Variants in TEC observed in about 807,000 individuals in gnomAD.
The protein encoded by TEC is tec protein tyrosine kinase, also known as tyrosine-protein kinase Tec.
TEC carries 72 observed loss-of-function variants against 93.0 expected under a neutral mutation model. The observed-to-expected ratio is 0.77, with a 90% CI of 0.64 to 0.94. TEC has a LOEUF of 0.94. TEC is among the 40% of genes least tolerant of loss of function. The pLI is 0.00. For synonymous variants in TEC, 249 were observed against 247.7 expected, an observed-to-expected ratio of 1.01 and a Z score of -0.05; for missense variants, 630 against 757.9, an observed-to-expected ratio of 0.83 and a Z score of 1.98.
chr4:48,172,913 T>C (rs1721175063), intron 3 of TEC, among the ~76,000 whole-genome samples: 1 of 152,194 alleles, frequency 6.6e-6, no homozygotes, highest in South Asian at 2.1e-4. Context: ...TGAATTGACA[T>C]TGAGATGTCT....
At chr4:48,210,201 G>A (rs946050448) in intron 2 of TEC, among the ~76,000 whole-genome samples, 1 of 152,098 alleles carries the variant, frequency 6.6e-6, no homozygotes, top group African/African-American at 2.4e-5. Context: ...ATGTAAAGTT[G>A]GTCAGACTCG....
intron 15 of TEC, 118 bp from the exon 16 acceptor site, chr4:48,139,140 TC>T: frequency 1.2e-6 from 1 of 851,618 alleles, no homozygotes; most frequent in Non-Finnish European, 1.9e-6. Flanking sequence ...CCAACAAGCA[TC>T]CGGTTGAAGC....
rs1414796827 is a variant in TEC, at chr4:48,167,938, G to A, written c.511C>T (p.Pro171Ser). The change falls in exon 7 of 18, where the codon CCA becomes TCA. Residue 171 changes from proline (P) to serine (S), a missense_variant. Transcript: ENST00000381501. ...PETKKRRPPP[P>S]IPLEEEDNSE... ...TTATCTTCTTCTTCTAGTGGAATTGGTGGGGGAGGCCTTCGCTAGACAAGG... is the reference window on the plus strand; with the variant it reads ...TTATCTTCTTCTTCTAGTGGAATTGATGGGGGAGGCCTTCGCTAGACAAGG... 3.7e-6 allele frequency: 6 copies of A among 1,613,638 alleles called. No individual in the cohort carries two copies. In the African/African-American group the frequency reaches 5.3e-5, roughly 14 times the overall value.
intron 2 of TEC, among the ~76,000 whole-genome samples, chr4:48,182,509 G>A (rs924967586): frequency 1.3e-5 from 2 of 149,660 alleles, no homozygotes; most frequent in Non-Finnish European, 3.0e-5. Flanking sequence ...TGCTGACCCA[G>A]TATGCAAAGG....
At position 48,145,477 on chromosome 4, in the gene TEC, A is replaced by G. The variant is rs756890387; in HGVS notation, c.1184T>C (p.Val395Ala). 9.3e-6 allele frequency: 15 copies of G among 1,613,986 alleles called. No individual in the cohort carries two copies. Among genetic ancestry groups the G allele is most frequent in the Non-Finnish European group, 1.3e-5 (15 of 1,180,028 alleles). The change falls in exon 13 of 18, where the codon GTC (valine) becomes GCC (alanine). Residue 395 changes from valine to alanine, a missense_variant. By Grantham distance (64) the Val-to-Ala change is moderately conservative (BLOSUM62 0). This residue lies in a region of TEC where 289 missense variants were observed against 390.0 expected (regional missense o/e 0.74). Transcript: ENST00000381501. ...RLGKWRAQYK[V>A]AIKAIREGAM... Reference sequence around the variant, plus strand: ...ACCTTCCCGAATAGCTTTGATTGCGACTTTGTACTGGGCTCGCCATTTGCC... The same window carrying G: ...ACCTTCCCGAATAGCTTTGATTGCGGCTTTGTACTGGGCTCGCCATTTGCC...
intron 1 of TEC, among the ~76,000 whole-genome samples, chr4:48,260,177 TC>T (rs1259215259): frequency 9.2e-5 from 14 of 152,324 alleles, no homozygotes; most frequent in African/African-American, 3.4e-4. Context: ...TTCTGGCTCT[TC>T]TTGTCCTCAC....
chr4:48,164,036 AT>A (rs1225936676), intron 7 of TEC, among the ~76,000 whole-genome samples: 2 of 152,022 alleles, frequency 1.3e-5, no homozygotes, highest in African/African-American at 4.8e-5. Flanking sequence ...AGGTTATAGG[AT>A]TTTTTTTCCC....
intron 9 of TEC, among the ~76,000 whole-genome samples, chr4:48,151,570 T>C (rs1720165356): frequency 6.6e-6 from 1 of 152,310 alleles, no homozygotes; most frequent in African/African-American, 2.4e-5. Context: ...CACTGCAATC[T>C]CCACTTCCTG....
At chr4:48,189,520 T>C (rs1185637924) in intron 2 of TEC, among the ~76,000 whole-genome samples, 1 of 152,112 alleles carries the variant, frequency 6.6e-6, no homozygotes, top group Admixed American at 6.5e-5. Context: ...AATGCAGAAA[T>C]AGACAATGGA....
At chr4:48,169,680 A>T (rs1322830576) in intron 5 of TEC, among the ~76,000 whole-genome samples, 1 of 152,210 alleles carries the variant, frequency 6.6e-6, no homozygotes, top group African/African-American at 2.4e-5. Flanking sequence ...AGCACTAGTA[A>T]CTTAACAATC....
Position 48,216,268 on chromosome 4 carries a change from T to C in TEC, c.138+12209A>G, listed in dbSNP as rs543182291. On this transcript the variant is annotated intron_variant, in intron 2 of 17. Coordinates refer to ENST00000381501, the MANE Select transcript of TEC (RefSeq NM_003215.3). ...GGAAAAAAAAAAAAACAAAAAACTGTATACAGGTCTATACTCTTGCCACCA... is the reference window on the plus strand; with the variant it reads ...GGAAAAAAAAAAAAACAAAAAACTGCATACAGGTCTATACTCTTGCCACCA... Among the ~76,000 whole-genome samples, 20 of 151,418 alleles carry C rather than the reference T, an allele frequency of 1.3e-4. No individual in the cohort carries two copies. The South Asian group carries it at 4.0e-3, about 30-fold the overall frequency.
chr4:48,162,433 A>G (rs993164272), intron 8 of TEC, among the ~76,000 whole-genome samples: 1 of 152,222 alleles, frequency 6.6e-6, no homozygotes, highest in Non-Finnish European at 1.5e-5. Context: ...GAGTTCTCAT[A>G]TTTAGATAAG....
rs1194571429 is a variant in TEC, at chr4:48,136,602, T to C, written c.*814A>G. On this transcript the variant is annotated 3_prime_UTR_variant, in exon 18 of 18. Coordinates refer to ENST00000381501, the MANE Select transcript of TEC (RefSeq NM_003215.3). ...ATTACATAGGCCAAATGCACGTGGT[T>C]AAGCTGGACAGGCATCCCCAGACAC... 1 of 152,192 alleles carries C rather than the reference T, an allele frequency of 6.6e-6. No individual in the cohort carries two copies. Among genetic ancestry groups the C allele is most frequent in the Non-Finnish European group, 1.5e-5 (1 of 68,050 alleles). The allele number at this position is 152,192 out of a possible 1,614,324, so 9.4% of individuals were successfully genotyped here.
intron 1 of TEC, among the ~76,000 whole-genome samples, chr4:48,228,917 T>C (rs373017165): frequency 1.2e-4 from 18 of 152,296 alleles, no homozygotes; most frequent in East Asian, 7.7e-4. Context: ...TTCATTCCTT[T>C]TTACCTCCTA....
At chr4:48,269,267 A>G (rs1181399426) in intron 1 of TEC, among the ~76,000 whole-genome samples, 1 of 152,200 alleles carries the variant, frequency 6.6e-6, no homozygotes, top group South Asian at 2.1e-4. Context: ...TACATGTGCC[A>G]TGTTGGTGTG....
chr4:48,192,782 C>T (rs1722137850), intron 2 of TEC, among the ~76,000 whole-genome samples: 1 of 152,192 alleles, frequency 6.6e-6, no homozygotes, highest in African/African-American at 2.4e-5. Flanking sequence ...AAAGAACTCA[C>T]CCATCCATTT....
At chr4:48,226,792 T>C (rs1723481695) in intron 2 of TEC, among the ~76,000 whole-genome samples, 1 of 152,216 alleles carries the variant, frequency 6.6e-6, no homozygotes, top group Non-Finnish European at 1.5e-5. Context: ...GAGTCAACTA[T>C]ATATTAAAAT....
chr4:48,254,303 C>G (rs1049965188), intron 1 of TEC, among the ~76,000 whole-genome samples: 5 of 152,144 alleles, frequency 3.3e-5, no homozygotes, highest in Admixed American at 6.5e-5. Context: ...GGCTTGAACC[C>G]TAAAGGACAA....
At chr4:48,147,588 C>G (rs190951122) in intron 11 of TEC, among the ~76,000 whole-genome samples, 2 of 152,234 alleles carry the variant, frequency 1.3e-5, no homozygotes, top group East Asian at 3.9e-4. Context: ...GTCTTGGCTT[C>G]CATAAGTAGA....
Sources: allele counts gnomAD v4.1 joint callset (sites outside exome capture counted in the v4.1 genomes callset), GRCh38; gene constraint gnomAD v4.1.1; regional missense constraint gnomAD v4.1.1; transcripts MANE v1.5; gene names NCBI Gene and HGNC (gene_info 2026-07-23, HGNC 2026-07-21).